The following PDE10A variants were observed in gnomAD, a reference collection of about 807,000 sequenced individuals.
The protein encoded by PDE10A is cAMP and cAMP-inhibited cGMP 3',5'-cyclic phosphodiesterase 10A.
Under a neutral mutation model 97.7 loss-of-function variants are expected in PDE10A, and 39 were observed. The ratio of observed to expected loss-of-function variants is 0.40; its 90% CI spans 0.31 to 0.52. The LOEUF (loss-of-function observed/expected upper bound fraction) is 0.52, where lower values mean the gene tolerates loss of function less well. Among genes scored for constraint, PDE10A ranks in the 20% least tolerant of loss-of-function variants. The pLI is 0.56. For missense variants in PDE10A, 731 were observed against 1,047.8 expected (o/e 0.70, Z 4.17); for synonymous variants, 371 against 376.8 (o/e 0.98, Z 0.18).
At chr6:165,565,909 C>G (rs1784754577) in intron 1 of PDE10A, among the ~76,000 whole-genome samples, 1 of 152,056 alleles carries the variant, frequency 6.6e-6, no homozygotes, top group Non-Finnish European at 1.5e-5. Context: ...ACACACACCT[C>G]AAACCAGTCA....
At chr6:165,457,904 G>C (rs1778055210) in intron 3 of PDE10A, among the ~76,000 whole-genome samples, 1 of 152,136 alleles carries the variant, frequency 6.6e-6, no homozygotes, top group Non-Finnish European at 1.5e-5. Flanking sequence ...AAAGTTTAGA[G>C]GCAATTCAGT....
At chr6:165,601,462 A>G (rs1786945917) in intron 1 of PDE10A, among the ~76,000 whole-genome samples, 1 of 152,244 alleles carries the variant, frequency 6.6e-6, no homozygotes, top group African/African-American at 2.4e-5. Flanking sequence ...TATGTGACTT[A>G]GCAGCATTGT....
intron 17 of PDE10A, among the ~76,000 whole-genome samples, chr6:165,380,541 C>A (rs760785144): frequency 1.3e-5 from 2 of 152,152 alleles, no homozygotes; most frequent in Non-Finnish European, 2.9e-5. Flanking sequence ...ATTTTCCTGA[C>A]AATAATAGTA....
At chr6:165,629,509 A>G (rs1788532922) in intron 1 of PDE10A, among the ~76,000 whole-genome samples, 1 of 150,462 alleles carries the variant, frequency 6.6e-6, no homozygotes, top group Non-Finnish European at 1.5e-5. Context: ...AGAATGAAGG[A>G]ATATTAACAA....
intron 1 of PDE10A, among the ~76,000 whole-genome samples, chr6:165,553,403 C>G (rs1784109336): frequency 6.6e-6 from 1 of 152,088 alleles, no homozygotes; most frequent in Non-Finnish European, 1.5e-5. Context: ...AGTACTGATA[C>G]CATTTTTAAC....
intron 2 of PDE10A, among the ~76,000 whole-genome samples, chr6:165,541,258 C>T (rs983106972): frequency 3.9e-5 from 6 of 151,958 alleles, no homozygotes; most frequent in African/African-American, 9.7e-5. Flanking sequence ...CTCACTCAGC[C>T]GCTTTCCACT....
chr6:165,842,534 G>T (rs998213983), intron 1 of PDE10A, among the ~76,000 whole-genome samples: 1 of 152,240 alleles, frequency 6.6e-6, no homozygotes, highest in East Asian at 1.9e-4. Flanking sequence ...GTAACAGAGA[G>T]CGAATGCAAG....
chr6:165,418,882 A>G lies in PDE10A; in HGVS notation c.1654-105T>C, dbSNP rs929783245. 5 of 826,470 alleles carry G rather than the reference A, an allele frequency of 6.0e-6. No homozygotes were observed. The African/African-American group carries it at 8.7e-5, about 14-fold the overall frequency. 51.2% of individuals were successfully genotyped at this position (826,470 alleles called of 1,614,324 possible). A position where few individuals can be genotyped will look rare whatever the true frequency, so the allele number is the denominator to read the frequency against. ...ATTAATTTCAGCTGTCCTATACTCT[A>G]ATTGGTTGGTATTAGCATTATAAGT... On this transcript the variant is annotated intron_variant, in intron 10 of 21. Transcript: ENST00000539869. The surrounding 1 kb of genome is among the most constrained non-coding windows in gnomAD (Gnocchi z 4.8).
intron 1 of PDE10A, among the ~76,000 whole-genome samples, chr6:165,828,768 A>G (rs1779829353): frequency 6.6e-6 from 1 of 152,146 alleles, no homozygotes; most frequent in South Asian, 2.1e-4. Flanking sequence ...CGGGCAGTGG[A>G]GGCCCTGTGC....
chr6:165,972,314 C>A (rs960652409), intron 1 of PDE10A, among the ~76,000 whole-genome samples: 4 of 151,856 alleles, frequency 2.6e-5, no homozygotes, highest in Non-Finnish European at 5.9e-5. Context: ...CGCAGGTGGA[C>A]GGGGATTCTG....
intron 1 of PDE10A, chr6:165,948,106 CATAT>C (rs933838580): frequency 1.3e-5 from 2 of 151,480 alleles, no homozygotes; most frequent in Non-Finnish European, 2.9e-5. Flanking sequence ...CATATATATA[CATAT>C]ATATATAGAG....
intron 5 of PDE10A, among the ~76,000 whole-genome samples, chr6:165,436,177 C>A (rs1254567347): frequency 6.6e-6 from 1 of 152,068 alleles, no homozygotes; most frequent in African/African-American, 2.4e-5. Context: ...ATATAAATTT[C>A]CCACAGACTT....
intron 1 of PDE10A, among the ~76,000 whole-genome samples, chr6:165,712,196 G>T (rs1237801168): frequency 6.6e-6 from 1 of 152,186 alleles, no homozygotes; most frequent in African/African-American, 2.4e-5. Context: ...GCCTGGAGGG[G>T]TGTGACATCA....
At chr6:165,777,959 A>T (rs1284020601) in intron 1 of PDE10A, among the ~76,000 whole-genome samples, 1 of 152,118 alleles carries the variant, frequency 6.6e-6, no homozygotes, top group Non-Finnish European at 1.5e-5. Context: ...TTTAGCACAT[A>T]TATATGTGTC....
At chr6:165,615,933 A>C (rs1787707528) in intron 1 of PDE10A, among the ~76,000 whole-genome samples, 1 of 152,204 alleles carries the variant, frequency 6.6e-6, no homozygotes, top group African/African-American at 2.4e-5. Context: ...AACGGAGGGA[A>C]ATAAAGCTAA....
rs35370607 is a variant in PDE10A at position 165,336,194 on chromosome 6, G to C, written c.2994C>G (p.Ala998=). 4.3e-6 allele frequency: 7 copies of C among 1,613,616 alleles called. No individual in the cohort carries two copies. In the African/African-American group the frequency reaches 8.0e-5, roughly 18 times the overall value. Residue 998 remains alanine (A), a synonymous_variant, in exon 21 of 22, where the codon GCC becomes GCG. Coordinates refer to ENST00000539869, the MANE Select transcript of PDE10A (RefSeq NM_001385079.1). ...GGGTTGTATAGCAGGGAATGGCCAC[G>C]GCATTGTAGAACCCAAGCTGCCTCC... The part of the protein sequence containing the change: ...VPQGQLGFYN[A]VAIPCYTTLT...
chr6:165,873,860 T>G (rs564182047), intron 1 of PDE10A, among the ~76,000 whole-genome samples: 1 of 152,180 alleles, frequency 6.6e-6, no homozygotes, highest in Non-Finnish European at 1.5e-5. Context: ...TACTACTGGG[T>G]TTTTTTAAAA....
At chr6:165,854,973 G>A (rs367967805) in intron 1 of PDE10A, among the ~76,000 whole-genome samples, 57 of 151,948 alleles carry the variant, frequency 3.8e-4, no homozygotes, top group African/African-American at 1.3e-3. Context: ...GTTTAGGCGC[G>A]GGGGAAGAGG....
chr6:165,378,357 A>G (rs552196509), intron 18 of PDE10A, among the ~76,000 whole-genome samples: 1 of 152,330 alleles, frequency 6.6e-6, no homozygotes, highest in African/African-American at 2.4e-5. Context: ...GTAAGTGCTC[A>G]CCAGCCTAGG....
Sources: allele counts gnomAD v4.1 joint callset (sites outside exome capture counted in the v4.1 genomes callset), GRCh38; gene constraint gnomAD v4.1.1; non-coding constraint Gnocchi (gnomAD v3.1); transcripts MANE v1.5; gene names NCBI Gene and HGNC (gene_info 2026-07-23, HGNC 2026-07-21).